Variants in STK39 observed in about 807,000 individuals in gnomAD.
The protein encoded by STK39 is STE20/SPS1-related proline-alanine-rich protein kinase.
STK39 carries 20 observed loss-of-function variants against 77.8 expected under a neutral mutation model. The observed-to-expected ratio is 0.26, with a 90% CI of 0.18 to 0.37. STK39 has a LOEUF of 0.37. STK39 is among the 10% of genes least tolerant of loss of function. The pLI, the probability that STK39 is intolerant of heterozygous loss-of-function variation, is 1.00. For missense variants in STK39, 479 were observed against 656.5 expected (o/e 0.73, Z 2.95); for synonymous variants, 246 against 234.1 (o/e 1.05, Z -0.47).
intron 5 of STK39, among the ~76,000 whole-genome samples, chr2:168,154,058 G>T (rs1477725727): frequency 6.6e-6 from 1 of 152,228 alleles, no homozygotes; most frequent in South Asian, 2.1e-4. Context: ...GAACTGATGG[G>T]TCTGTGGACC....
intron 1 of STK39, among the ~76,000 whole-genome samples, chr2:168,218,948 A>G (rs549793592): frequency 1.0e-3 from 157 of 152,308 alleles, no homozygotes; most frequent in South Asian, 2.5e-3. Context: ...AGGAACTTAA[A>G]AAGCTACCAG....
chr2:168,065,048 C>A (rs1469032172), intron 13 of STK39, among the ~76,000 whole-genome samples: 1 of 152,124 alleles, frequency 6.6e-6, no homozygotes, highest in Non-Finnish European at 1.5e-5. Flanking sequence ...TGGAATATAA[C>A]AGAATGGTGT....
intron 10 of STK39, among the ~76,000 whole-genome samples, chr2:168,106,772 T>C (rs933099423): frequency 6.6e-6 from 1 of 152,150 alleles, no homozygotes; most frequent in South Asian, 2.1e-4. Flanking sequence ...CAGTGAGCCA[T>C]GTTCACACCA....
intron 4 of STK39, chr2:168,163,532 G>A: frequency 1.1e-6 from 1 of 925,076 alleles, no homozygotes; most frequent in African/African-American, 1.8e-5. Flanking sequence ...TTTAGACTAA[G>A]TTAAAGTAAT....
chr2:168,188,777 T>C (rs1360602143), intron 1 of STK39, among the ~76,000 whole-genome samples: 1 of 152,192 alleles, frequency 6.6e-6, no homozygotes, highest in Non-Finnish European at 1.5e-5. Flanking sequence ...GGCAGGAACA[T>C]GTGCACAGTG....
intron 17 of STK39, among the ~76,000 whole-genome samples, chr2:167,961,867 G>A (rs1441386733): frequency 6.6e-6 from 1 of 152,122 alleles, no homozygotes; most frequent in African/African-American, 2.4e-5. Flanking sequence ...CCTAAAACAG[G>A]ACCCATTTCA....
chr2:168,070,955 G>A (rs1427352199), intron 12 of STK39, among the ~76,000 whole-genome samples: 1 of 152,022 alleles, frequency 6.6e-6, no homozygotes, highest in Non-Finnish European at 1.5e-5. Flanking sequence ...CTCCAAATAC[G>A]ACCCAGGATG....
chr2:168,132,470 T>C (rs1192309808), intron 8 of STK39, among the ~76,000 whole-genome samples: 1 of 152,158 alleles, frequency 6.6e-6, no homozygotes, highest in Non-Finnish European at 1.5e-5. Flanking sequence ...GCAAGTATTC[T>C]AGGCCCTGAC....
chr2:168,163,951 T>C, intron 3 of STK39, 71 bp from the exon 4 acceptor site: 3 of 1,530,722 alleles, frequency 2.0e-6, no homozygotes, highest in South Asian at 1.3e-5. Flanking sequence ...CTCCATTATG[T>C]ATAAAATTTA....
chr2:168,220,740 T>G (rs1404763161), intron 1 of STK39, among the ~76,000 whole-genome samples: 1 of 152,206 alleles, frequency 6.6e-6, no homozygotes, highest in Non-Finnish European at 1.5e-5. Context: ...GCTTAGTTTC[T>G]TCTGGATGCA....
chr2:168,000,430 A>G (rs1683970821), intron 16 of STK39, among the ~76,000 whole-genome samples: 1 of 152,240 alleles, frequency 6.6e-6, no homozygotes, highest in Non-Finnish European at 1.5e-5. Context: ...TGAGAAGCCC[A>G]TTAGAATAAC....
At chr2:168,133,294 T>G (rs1390700833) in intron 8 of STK39, among the ~76,000 whole-genome samples, 1 of 152,168 alleles carries the variant, frequency 6.6e-6, no homozygotes, top group Non-Finnish European at 1.5e-5. Flanking sequence ...AACTCCTTTC[T>G]CTGCACTCCA....
chr2:168,058,744 G>A (rs1233001358), intron 14 of STK39, among the ~76,000 whole-genome samples: 2 of 152,186 alleles, frequency 1.3e-5, no homozygotes, highest in African/African-American at 2.4e-5. Flanking sequence ...TACCACTTCC[G>A]TTAATCCTCA....
At chr2:167,978,072 G>GC (rs1336827586) in intron 16 of STK39, among the ~76,000 whole-genome samples, 7 of 152,162 alleles carry the variant, frequency 4.6e-5, no homozygotes, top group Admixed American at 4.6e-4. Flanking sequence ...TAGTTTGGGT[G>GC]ATGCCAGCTG....
intron 14 of STK39, among the ~76,000 whole-genome samples, chr2:168,050,302 A>G (rs1685360592): frequency 6.6e-6 from 1 of 152,228 alleles, no homozygotes; most frequent in African/African-American, 2.4e-5. Context: ...TAGAAATTAT[A>G]TACCACAAAT....
intron 10 of STK39, among the ~76,000 whole-genome samples, chr2:168,122,072 G>A (rs1283594247): frequency 3.9e-5 from 6 of 152,158 alleles, no homozygotes; most frequent in South Asian, 2.1e-4. Context: ...ACATGTGAAG[G>A]TTTGTTTTAC....
intron 10 of STK39, among the ~76,000 whole-genome samples, chr2:168,129,156 T>C (rs1250852985): frequency 6.6e-6 from 1 of 152,210 alleles, no homozygotes; most frequent in Non-Finnish European, 1.5e-5. Context: ...CCATTAAAAG[T>C]TGTGTTTTTT....
At chr2:168,095,855 A>ATGCTT (rs939918815) in intron 10 of STK39, among the ~76,000 whole-genome samples, 4 of 152,218 alleles carry the variant, frequency 2.6e-5, no homozygotes, top group African/African-American at 9.6e-5. Context: ...GATGACGACT[A>ATGCTT]TGCTTTGCTT....
chr2:168,093,364 G>A (rs969804563), intron 10 of STK39, among the ~76,000 whole-genome samples: 2 of 152,218 alleles, frequency 1.3e-5, no homozygotes, highest in African/African-American at 4.8e-5. Context: ...CATGGCAGAA[G>A]GCGTGGGAGG....
Sources: gnomAD v4.1 joint callset for allele counts (sites outside exome capture counted in the v4.1 genomes callset) on GRCh38, gnomAD v4.1.1 for gene constraint, MANE v1.5 for transcripts, NCBI Gene and HGNC (gene_info 2026-07-23, HGNC 2026-07-21) for gene names.